The following LRTM3 variants were observed in gnomAD, a reference collection of about 807,000 sequenced individuals.
The protein encoded by LRTM3 is leucine rich repeat transmembrane protein 3, also known as leucine-rich repeat transmembrane protein 3.
chr13:102,736,373 G>A, the LRTM3 span: 2 of 1,550,944 alleles, frequency 1.3e-6, no homozygotes, highest in Admixed American at 2.0e-5. Context: ...CTTGAAAACG[G>A]CACCATTGGG....
At chr13:102,744,701 G>A in the LRTM3 span, 14 of 1,550,636 alleles carry the variant, frequency 9.0e-6, no homozygotes, top group Admixed American at 2.0e-5. Context: ...ACTATAGCAT[G>A]GAACTGATTC....
chr13:102,747,039 G>A, the LRTM3 span: 8 of 1,551,036 alleles, frequency 5.2e-6, no homozygotes, highest in East Asian at 4.9e-5. Context: ...TCAAGTCCAA[G>A]GTTGCAGCTA....
chr13:102,748,613 G>C, the LRTM3 span: 1 of 1,550,686 alleles, frequency 6.4e-7, no homozygotes, highest in Non-Finnish European at 8.7e-7. Context: ...CATAGGTTTT[G>C]ATATAGCTTC....
At chr13:102,738,228 C>T in the LRTM3 span, 1 of 1,550,756 alleles carries the variant, frequency 6.4e-7, no homozygotes, top group Non-Finnish European at 8.7e-7. Context: ...ACTTCATCGT[C>T]TTCTTTCTGT....
the LRTM3 span, chr13:102,736,366 G>T: frequency 1.3e-6 from 2 of 1,550,950 alleles, no homozygotes; most frequent in African/African-American, 2.7e-5. Context: ...TCTTTGCCTT[G>T]AAAACGGCAC....
the LRTM3 span, chr13:102,736,767 T>G: frequency 6.4e-7 from 1 of 1,551,006 alleles, no homozygotes; most frequent in East Asian, 2.4e-5. Flanking sequence ...TGCATTACAC[T>G]TTTCTCTGAA....
the LRTM3 span, chr13:102,744,841 TA>T: frequency 1.9e-6 from 3 of 1,550,772 alleles, no homozygotes; most frequent in African/African-American, 4.1e-5. Context: ...GTGATTTCTG[TA>T]ACTCCAGGAC....
the LRTM3 span, chr13:102,742,059 A>G: frequency 6.4e-7 from 1 of 1,550,510 alleles, no homozygotes; most frequent in South Asian, 1.2e-5. Context: ...GGAAGAATGC[A>G]TGTCCTGTCT....
the LRTM3 span, chr13:102,744,636 C>T: frequency 6.4e-7 from 1 of 1,550,836 alleles, no homozygotes; most frequent in Non-Finnish European, 8.7e-7. Context: ...GGTTCAGATC[C>T]TGATTTGCAA....
chr13:102,739,942 A>G, the LRTM3 span: 1 of 1,550,446 alleles, frequency 6.4e-7, no homozygotes, highest in Non-Finnish European at 8.7e-7. Context: ...TATTGAGTAT[A>G]TGTGAAAATA....
chr13:102,756,490 T>C, the LRTM3 span, among the ~76,000 whole-genome samples: 5 of 150,964 alleles, frequency 3.3e-5, no homozygotes, highest in African/African-American at 1.2e-4. Flanking sequence ...CTGGCCAACA[T>C]GGTGAAACCG....
the LRTM3 span, chr13:102,740,688 G>A: frequency 6.5e-7 from 1 of 1,547,984 alleles, no homozygotes; most frequent in Non-Finnish European, 8.7e-7. Context: ...GCATTGAACT[G>A]AAATAGATCT....
the LRTM3 span, chr13:102,746,348 T>G: frequency 1.9e-6 from 3 of 1,550,682 alleles, no homozygotes; most frequent in African/African-American, 2.7e-5. Flanking sequence ...GGATATGCTA[T>G]TCTTAGCAAA....
the LRTM3 span, chr13:102,743,347 A>G: frequency 1.3e-6 from 2 of 1,550,482 alleles, no homozygotes; most frequent in Admixed American, 2.0e-5. Flanking sequence ...TGTCAGAGGA[A>G]TCTGGAGTGA....
chr13:102,741,136 A>T, the LRTM3 span: 1 of 1,549,178 alleles, frequency 6.5e-7, no homozygotes, highest in Non-Finnish European at 8.7e-7. Context: ...TATTCTCTTT[A>T]TTCTGATAAT....
the LRTM3 span, chr13:102,740,955 G>A: frequency 6.5e-7 from 1 of 1,550,108 alleles, no homozygotes; most frequent in Non-Finnish European, 8.7e-7. Flanking sequence ...ATATTCAAAT[G>A]TATTCCTTCT....
the LRTM3 span, chr13:102,733,296 C>G: frequency 6.4e-7 from 1 of 1,551,312 alleles, no homozygotes; most frequent in Non-Finnish European, 8.7e-7. Context: ...GGTGCTAACA[C>G]TTTGGGAGAA....
the LRTM3 span, chr13:102,733,937 A>C: frequency 1.3e-6 from 2 of 1,551,312 alleles, no homozygotes; most frequent in Middle Eastern, 1.7e-4. Context: ...GGGTACATGG[A>C]GAGTTCGCTG....
the LRTM3 span, chr13:102,733,846 C>A: frequency 6.4e-7 from 1 of 1,551,416 alleles, no homozygotes; most frequent in East Asian, 2.4e-5. Context: ...CTGGGCGGGG[C>A]ACATACTGTT....
Sources: gnomAD v4.1 joint callset for allele counts (sites outside exome capture counted in the v4.1 genomes callset) on GRCh38, gnomAD v4.1.1 for gene constraint, MANE v1.5 for transcripts, NCBI Gene and HGNC (gene_info 2026-07-23, HGNC 2026-07-21) for gene names.